Variants in NLRP1 observed in about 807,000 individuals in gnomAD.
The protein encoded by NLRP1 is NACHT, LRR and PYD domains-containing protein 1.
In NLRP1, 94 loss-of-function variants were observed where a neutral mutation model predicts 136.7. The observed-to-expected ratio is 0.69, with a 90% CI of 0.58 to 0.82. NLRP1 has a LOEUF of 0.82. Among genes scored for constraint, NLRP1 ranks in the 40% least tolerant of loss-of-function variants. The pLI is 0.00. For synonymous variants in NLRP1, 690 were observed against 725.1 expected (o/e 0.95, Z 0.78); for missense variants, 1,575 against 1,802.7 (o/e 0.87, Z 2.29).
At position 5,559,234 on chromosome 17, in the gene NLRP1, C is replaced by T. The variant is rs1254455800; in HGVS notation, c.1462G>A (p.Glu488Lys). 3.1e-6 allele frequency: 5 copies of T among 1,614,066 alleles called. No homozygotes were observed. Among genetic ancestry groups the T allele is most frequent in the South Asian group, 2.2e-5 (2 of 91,080 alleles). ...TCTGTGAAATATCTGTAGAAATATTCCTTCCTGCTGGACTCAGAGAACCCC... is the reference window on the plus strand; with the variant it reads ...TCTGTGAAATATCTGTAGAAATATTTCTTCCTGCTGGACTCAGAGAACCCC... Reference protein sequence around the residue: ...VLGFSESSRKEYFYRYFTDER... With the variant: ...VLGFSESSRKKYFYRYFTDER... Residue 488 changes from glutamate (E) to lysine (K), a missense_variant, in exon 4 of 17, where the codon GAA becomes AAA. Glu to Lys is a moderately conservative substitution (Grantham distance 56). Transcript: ENST00000572272.
chr17:5,519,608 C>T (rs547954527), intron 14 of NLRP1, among the ~76,000 whole-genome samples: 1 of 151,036 alleles, frequency 6.6e-6, no homozygotes, highest in Non-Finnish European at 1.5e-5. Flanking sequence ...CACCATGCCC[C>T]ACTAATTTTT....
At chr17:5,515,350 G>C (rs1329687682) in intron 16 of NLRP1, 123 bp downstream of exon 16, 3 of 883,466 alleles carry the variant, frequency 3.4e-6, no homozygotes, top group African/African-American at 1.6e-5. Context: ...CGCTCTCCAG[G>C]GCCTGACTCT....
At chr17:5,563,853 G>A (rs1915024823) in intron 3 of NLRP1, among the ~76,000 whole-genome samples, 1 of 152,002 alleles carries the variant, frequency 6.6e-6, no homozygotes, top group African/African-American at 2.4e-5. Context: ...ATTCTCCAAG[G>A]CCAACATGAA....
intron 12 of NLRP1, chr17:5,529,820 A>G (rs576169552): frequency 3.7e-5 from 12 of 327,980 alleles, no homozygotes; most frequent in Non-Finnish European, 7.2e-5. Context: ...TAATTTCAGC[A>G]TCTGAAGGAT....
intron 9 of NLRP1, 30 bp from the exon 10 acceptor site, chr17:5,533,414 C>T (rs548722755): frequency 1.2e-6 from 1 of 818,942 alleles, no homozygotes. Flanking sequence ...ATCAGCCAGG[C>T]ATGGTGGTGA....
chr17:5,506,886 G>T (rs1448928902), intron 15 of NLRP1, among the ~76,000 whole-genome samples: 1 of 106,788 alleles, frequency 9.4e-6, no homozygotes, highest in Non-Finnish European at 1.8e-5. Context: ...TGGGCAACAA[G>T]AGCAAAACTC....
At chr17:5,534,119 T>C in intron 8 of NLRP1, 131 bp from the exon 9 acceptor site, 1 of 746,044 alleles carries the variant, frequency 1.3e-6, no homozygotes, top group South Asian at 1.4e-5. Context: ...CCTCGCACTT[T>C]GGGAGGCCGG....
chr17:5,505,441 C>G (rs8067980), intron 15 of NLRP1: 50,301 of 152,498 alleles, frequency 0.33, 9,616 homozygotes, highest in African/African-American at 0.53. Flanking sequence ...CCTGTCTGGG[C>G]GCTGTGAGGT....
intron 8 of NLRP1, among the ~76,000 whole-genome samples, chr17:5,536,601 C>T (rs141287975): frequency 6.6e-6 from 1 of 152,116 alleles, no homozygotes; most frequent in South Asian, 2.1e-4. Flanking sequence ...CAGGCACCCG[C>T]CACCACGCCT....
chr17:5,526,377 T>C (rs1909554613), intron 12 of NLRP1, among the ~76,000 whole-genome samples: 1 of 152,214 alleles, frequency 6.6e-6, no homozygotes, highest in South Asian at 2.1e-4. Flanking sequence ...ACAACAGTTT[T>C]GAGGCCTGAG....
At chr17:5,539,713 T>C (rs2151771302) in intron 6 of NLRP1, 128 bp from the exon 7 acceptor site, 3 of 1,406,164 alleles carry the variant, frequency 2.1e-6, no homozygotes, top group Non-Finnish European at 2.8e-6. Context: ...GCAGAGAAGA[T>C]ACAAACTTTC....
rs373758392 is a variant in NLRP1, at chr17:5,517,350, A to AC, written c.4057+395dup. 9.5e-3 allele frequency among the ~76,000 whole-genome samples: 451 copies of AC among 47,356 alleles called. 24 individuals carry two copies. Among genetic ancestry groups the AC allele is most frequent in the Admixed American group, 0.046 (184 of 4,024 alleles). 31.1% of individuals were successfully genotyped at this position (47,356 alleles called of 152,430 possible). ...AATAAACTGTGATAGTGCACTCTGC[A>AC]CCCCCCCCCCTCCCACATACACAGA... On this transcript the variant is annotated intron_variant, in intron 15 of 16. Coordinates refer to ENST00000572272, the MANE Select transcript of NLRP1 (RefSeq NM_033004.4).
intron 5 of NLRP1, among the ~76,000 whole-genome samples, chr17:5,549,506 C>T (rs902902981): frequency 2.6e-5 from 4 of 152,238 alleles, no homozygotes; most frequent in Middle Eastern, 3.4e-3. Flanking sequence ...TCTTGAACTC[C>T]GGAACTCAAG....
intron 3 of NLRP1, among the ~76,000 whole-genome samples, chr17:5,575,079 A>G (rs1904875259): frequency 6.6e-6 from 1 of 152,128 alleles, no homozygotes; most frequent in Non-Finnish European, 1.5e-5. Context: ...ATGCTGAGAG[A>G]TTTTGTCACC....
downstream of NLRP1, among the ~76,000 whole-genome samples, chr17:5,513,701 C>T (rs1461318101): frequency 6.6e-6 from 1 of 152,090 alleles, no homozygotes; most frequent in Non-Finnish European, 1.5e-5. Flanking sequence ...CTTCTACAAC[C>T]TCTTAAGATT....
chr17:5,535,996 CTGTCTT>C (rs968374372), intron 8 of NLRP1, among the ~76,000 whole-genome samples: 42 of 152,260 alleles, frequency 2.8e-4, no homozygotes, highest in African/African-American at 9.6e-4. Context: ...CTCTCTCTCT[CTGTCTT>C]TATCTCCCTC....
intron 16 of NLRP1, 65 bp from the exon 17 acceptor site, chr17:5,515,138 T>C: frequency 7.1e-7 from 1 of 1,407,182 alleles, no homozygotes; most frequent in Non-Finnish European, 9.9e-7. Context: ...TTCAGTGCTT[T>C]CCTCTCTCAT....
Position 5,553,539 on chromosome 17 carries a change from A to G in NLRP1, c.2375T>C (p.Val792Ala). ...TMVVLFRWVPVTDAYWQILFS... is the reference protein window; with the variant it reads ...TMVVLFRWVPATDAYWQILFS... ...GAGAATCTGCCAATAGGCATCTGTG[A>G]CTGGGACCCACCTGAACCTGAGGGG... Residue 792 changes from valine (V) to alanine (A), a missense_variant, in exon 5 of 17, where the codon GTC becomes GCC. Transcript: ENST00000572272. 6.2e-7 allele frequency: 1 copy of G among 1,614,062 alleles called. No homozygotes were observed.
chr17:5,579,345 C>A (rs567959293), intron 3 of NLRP1, among the ~76,000 whole-genome samples: 28 of 148,526 alleles, frequency 1.9e-4, no homozygotes, highest in South Asian at 6.2e-4. Context: ...AAAAAAGAGA[C>A]CTTCTCTGGA....
Sources: allele counts gnomAD v4.1 joint callset (sites outside exome capture counted in the v4.1 genomes callset), GRCh38; gene constraint gnomAD v4.1.1; transcripts MANE v1.5; gene names NCBI Gene and HGNC (gene_info 2026-07-23, HGNC 2026-07-21).